TRIM14: variants seen among roughly 807,000 people sequenced by gnomAD.
TRIM14 encodes tripartite motif containing 14, also known as tripartite motif-containing protein 14.
Under a neutral mutation model 44.5 loss-of-function variants are expected in TRIM14, and 28 were observed. The ratio of observed to expected loss-of-function variants is 0.63; its 90% CI spans 0.47 to 0.86. The LOEUF (loss-of-function observed/expected upper bound fraction) is 0.86. Among genes scored for constraint, TRIM14 ranks in the 40% least tolerant of loss-of-function variants. The pLI is 0.00. For missense variants in TRIM14, 607 were observed against 611.1 expected, an observed-to-expected ratio of 0.99 and a Z score of 0.07; for synonymous variants, 299 against 269.2, an observed-to-expected ratio of 1.11 and a Z score of -1.08.
chr9:98,078,024 G>C, intron 6 of TRIM14: 1 of 938,350 alleles, frequency 1.1e-6, no homozygotes, highest in Non-Finnish European at 1.6e-6. Context: ...TGTGGCCGAG[G>C]GCAGGAACCC....
At chr9:98,067,725 C>CT (rs377486473), downstream of TRIM14, among the ~76,000 whole-genome samples, 101 of 148,178 alleles carry the variant, frequency 6.8e-4, no homozygotes, top group East Asian at 4.5e-3. Flanking sequence ...TTTTCACTTT[C>CT]TTTTTTTTTT....
the TRIM14 span, among the ~76,000 whole-genome samples, chr9:98,039,057 A>T: frequency 6.6e-6 from 1 of 152,040 alleles, no homozygotes; most frequent in Non-Finnish European, 1.5e-5. Context: ...TAAAAAAAAA[A>T]ACCAAAAAAA....
At chr9:98,066,878 T>C (rs1829164091), downstream of TRIM14, among the ~76,000 whole-genome samples, 1 of 152,184 alleles carries the variant, frequency 6.6e-6, no homozygotes, top group South Asian at 2.1e-4. Flanking sequence ...CTTGAACTTC[T>C]AACCTCAGGT....
At chr9:98,117,048 T>TA in intron 1 of TRIM14, among the ~76,000 whole-genome samples, 1 of 152,158 alleles carries the variant, frequency 6.6e-6, no homozygotes, top group East Asian at 1.9e-4. Context: ...GCACACCTGT[T>TA]ATTCCTGTTA....
chr9:98,093,568 C>T (rs933252980), intron 4 of TRIM14, among the ~76,000 whole-genome samples: 11 of 152,086 alleles, frequency 7.2e-5, no homozygotes, highest in African/African-American at 2.4e-4. Context: ...CTCCAGAGGC[C>T]GTGCCTATGA....
chr9:98,111,687 C>G (rs1370538072), intron 1 of TRIM14, among the ~76,000 whole-genome samples: 1 of 152,170 alleles, frequency 6.6e-6, no homozygotes, highest in African/African-American at 2.4e-5. Flanking sequence ...CGCCTGTAAT[C>G]CCAGCACTTT....
chr9:98,074,212 T>C (rs1349537810), intron 6 of TRIM14, among the ~76,000 whole-genome samples: 1 of 152,198 alleles, frequency 6.6e-6, no homozygotes, highest in Non-Finnish European at 1.5e-5. Context: ...AACGAGGCTA[T>C]CCATGGGACC....
At chr9:98,116,562 C>A (rs538777033) in intron 1 of TRIM14, among the ~76,000 whole-genome samples, 5 of 151,902 alleles carry the variant, frequency 3.3e-5, no homozygotes, top group Non-Finnish European at 5.9e-5. Flanking sequence ...CCAGGCCAGG[C>A]GTGGTGTTTC....
At chr9:98,045,365 C>T in the TRIM14 span, among the ~76,000 whole-genome samples, 6 of 152,156 alleles carry the variant, frequency 3.9e-5, no homozygotes, top group African/African-American at 9.7e-5. Context: ...TAAGTTCAGC[C>T]TAAAGGTTTC....
At position 98,110,002 on chromosome 9, in the gene TRIM14, A is replaced by G; in HGVS notation, c.208-18T>C. The G allele has an allele frequency of 1.9e-6, 3 of 1,603,650 alleles. No individual in the cohort carries two copies. Among genetic ancestry groups the G allele is most frequent in the Non-Finnish European group, 2.6e-6 (3 of 1,170,656 alleles). ...CTGAGTTTCTGTACAGGAGGGAGTT[A>G]GGAAAAAAGTCGTAATACTGTCACT... On this transcript the variant is annotated intron_variant, in intron 1 of 5. Transcript: ENST00000341469.
At chr9:98,104,829 T>C (rs995109166) in intron 2 of TRIM14, among the ~76,000 whole-genome samples, 2 of 152,160 alleles carry the variant, frequency 1.3e-5, no homozygotes, top group African/African-American at 4.8e-5. Context: ...CTGGGTCCTG[T>C]GGAGAGTGAG....
chr9:98,088,080 C>T (rs2118205470), intron 5 of TRIM14, 75 bp from the exon 6 acceptor site: 3 of 1,367,716 alleles, frequency 2.2e-6, no homozygotes, highest in East Asian at 3.0e-5. Context: ...AACCCACCAA[C>T]GCACGTGCAA....
chr9:98,117,875 T>C (rs968777999), intron 1 of TRIM14, among the ~76,000 whole-genome samples: 2 of 152,206 alleles, frequency 1.3e-5, no homozygotes, highest in African/African-American at 4.8e-5. Flanking sequence ...GAAAGCAGCC[T>C]TGTTAATTCT....
At chr9:98,115,197 T>C (rs7022262) in intron 1 of TRIM14, among the ~76,000 whole-genome samples, 102,987 of 151,618 alleles carry the variant, frequency 0.68, 35,325 homozygotes, top group East Asian at 0.88. Context: ...TCAAGCGATT[T>C]TCCTGCCTCA....
At chr9:98,110,919 C>T (rs1470935655) in intron 1 of TRIM14, among the ~76,000 whole-genome samples, 1 of 139,920 alleles carries the variant, frequency 7.1e-6, no homozygotes, top group Non-Finnish European at 1.5e-5. Flanking sequence ...TGGTGGCATG[C>T]ACCTGTAGTC....
At chr9:98,118,257 CT>C (rs1827123333) in intron 1 of TRIM14, among the ~76,000 whole-genome samples, 1 of 45,318 alleles carries the variant, frequency 2.2e-5, no homozygotes, top group Non-Finnish European at 3.6e-5. Context: ...CCCAGAGCCC[CT>C]GGGGCACTGT....
intron 5 of TRIM14, 33 bp downstream of exon 5, chr9:98,091,876 T>C: frequency 6.6e-7 from 1 of 1,512,376 alleles, no homozygotes; most frequent in South Asian, 1.4e-5. Context: ...ATCTCCACCG[T>C]CTCCACCCTA....
At chr9:98,103,405 T>C (rs754081397) in intron 2 of TRIM14, among the ~76,000 whole-genome samples, 1 of 152,158 alleles carries the variant, frequency 6.6e-6, no homozygotes, top group Non-Finnish European at 1.5e-5. Context: ...TTGTTAGTAG[T>C]GGTCATATTT....
intron 1 of TRIM14, among the ~76,000 whole-genome samples, chr9:98,111,486 G>A (rs918348577): frequency 6.6e-5 from 10 of 152,274 alleles, no homozygotes; most frequent in Middle Eastern, 3.4e-3. Context: ...AGCTGCTTGG[G>A]AGGATGACAT....
Sources: allele counts gnomAD v4.1 joint callset (sites outside exome capture counted in the v4.1 genomes callset), GRCh38; gene constraint gnomAD v4.1.1; transcripts MANE v1.5; gene names NCBI Gene and HGNC (gene_info 2026-07-23, HGNC 2026-07-21).